Variants in INO80 observed in about 807,000 individuals in gnomAD.
The protein encoded by INO80 is INO80 complex ATPase subunit.
A neutral mutation model predicts 203.4 loss-of-function variants in INO80; 20 were observed. That is an observed-to-expected ratio of 0.10 (90% CI 0.07 to 0.14). The LOEUF (loss-of-function observed/expected upper bound fraction) is 0.14, where lower values mean the gene tolerates loss of function less well. Among genes scored for constraint, INO80 ranks in the 10% least tolerant of loss-of-function variants. The pLI is 1.00. For synonymous variants in INO80, 726 were observed against 685.2 expected (o/e 1.06, Z -0.93); for missense variants, 1,419 against 1,914.4 (o/e 0.74, Z 4.83).
intron 24 of INO80, 36 bp downstream of exon 24, chr15:41,044,868 A>C (rs192904469): frequency 6.4e-7 from 1 of 1,555,926 alleles, no homozygotes; most frequent in Admixed American, 2.1e-5. Flanking sequence ...GAAAGAAGAT[A>C]CTAAGTAGGT....
intron 9 of INO80, among the ~76,000 whole-genome samples, chr15:41,078,915 C>T (rs896586341): frequency 6.6e-6 from 1 of 152,060 alleles, no homozygotes; most frequent in Admixed American, 6.6e-5. Flanking sequence ...CCGAGGCAGG[C>T]GTATCATCTG....
At chr15:41,030,907 T>A (rs2140486510) in intron 24 of INO80, among the ~76,000 whole-genome samples, 1 of 152,176 alleles carries the variant, frequency 6.6e-6, no homozygotes, top group East Asian at 1.9e-4. Flanking sequence ...CCTGACCTCA[T>A]GATCCGTCCA....
Position 41,034,223 on chromosome 15 carries a change from A to G in INO80, c.2908-6487T>C. Among the ~76,000 whole-genome samples the G allele has an allele frequency of 1.3e-5, 2 of 152,180 alleles. 1 individual carries two copies. Among genetic ancestry groups the G allele is most frequent in the Non-Finnish European group, 2.9e-5 (2 of 68,042 alleles). On this transcript the variant is annotated intron_variant, in intron 24 of 35. Transcript: ENST00000648947. ...CTTTGGATTCTGTAACAAAAAATTCATATTTTATCTTCACCATAGGGTGGG... is the reference window on the plus strand; with the variant it reads ...CTTTGGATTCTGTAACAAAAAATTCGTATTTTATCTTCACCATAGGGTGGG...
intron 24 of INO80, among the ~76,000 whole-genome samples, chr15:41,028,576 T>C (rs1197980331): frequency 6.6e-6 from 1 of 152,272 alleles, no homozygotes; most frequent in Admixed American, 6.5e-5. Flanking sequence ...AATATATTTA[T>C]TGTTCACTTA....
intron 27 of INO80, among the ~76,000 whole-genome samples, chr15:41,007,120 A>G (rs2044053076): frequency 6.6e-6 from 1 of 151,744 alleles, no homozygotes; most frequent in African/African-American, 2.4e-5. Context: ...GACACCCAAA[A>G]CACAGATTAT....
At chr15:40,992,169 G>A (rs1360988925) in intron 29 of INO80, among the ~76,000 whole-genome samples, 4 of 152,190 alleles carry the variant, frequency 2.6e-5, no homozygotes, top group Admixed American at 1.3e-4. Flanking sequence ...GCGGAGGTTC[G>A]GCCTCTGCAG....
intron 14 of INO80, among the ~76,000 whole-genome samples, chr15:41,064,050 T>C (rs2045165030): frequency 1.3e-5 from 2 of 152,114 alleles, no homozygotes; most frequent in Admixed American, 6.5e-5. Flanking sequence ...TCCATAATCA[T>C]GGTATGTTTT....
intron 11 of INO80, among the ~76,000 whole-genome samples, chr15:41,072,796 T>A (rs910204581): frequency 7.9e-5 from 12 of 151,806 alleles, no homozygotes; most frequent in African/African-American, 2.7e-4. Flanking sequence ...TCTTTTTTTT[T>A]TTGAGATGCA....
chr15:41,112,954 C>T (rs532820656), intron 1 of INO80, among the ~76,000 whole-genome samples: 1 of 151,980 alleles, frequency 6.6e-6, no homozygotes, highest in South Asian at 2.1e-4. Flanking sequence ...CGGGCTCTGT[C>T]GCCCAGGCTG....
At chr15:41,088,708 T>G (rs1443330403) in intron 5 of INO80, among the ~76,000 whole-genome samples, 9 of 152,212 alleles carry the variant, frequency 5.9e-5, no homozygotes, top group Non-Finnish European at 1.3e-4. Flanking sequence ...TTAAATCTCT[T>G]TCCTGGATTA....
At chr15:41,054,581 A>G (rs1194210810) in intron 18 of INO80, among the ~76,000 whole-genome samples, 2 of 152,208 alleles carry the variant, frequency 1.3e-5, no homozygotes, top group Admixed American at 6.5e-5. Flanking sequence ...TTATCACAGG[A>G]AAAAAGCTTT....
intron 28 of INO80, among the ~76,000 whole-genome samples, chr15:41,000,565 C>T (rs1014386376): frequency 4.1e-4 from 62 of 151,470 alleles, no homozygotes; most frequent in Admixed American, 1.9e-3. Context: ...TGTGGTGGTA[C>T]GAGCCTGTAG....
intron 1 of INO80, among the ~76,000 whole-genome samples, chr15:41,108,566 T>TG (rs1320916007): frequency 8.2e-6 from 1 of 121,842 alleles, no homozygotes; most frequent in Non-Finnish European, 1.6e-5. Flanking sequence ...CATTCCAGCC[T>TG]GGGGGACACA....
chr15:41,073,568 T>A, intron 10 of INO80, 73 bp from the exon 11 acceptor site: 1 of 1,157,184 alleles, frequency 8.6e-7, no homozygotes, highest in Non-Finnish European at 1.3e-6. Flanking sequence ...AACACCAATG[T>A]ATGTGGATCC....
chr15:40,982,168 A>G (rs145317471), intron 35 of INO80, among the ~76,000 whole-genome samples: 3 of 152,284 alleles, frequency 2.0e-5, no homozygotes, highest in African/African-American at 4.8e-5. Flanking sequence ...TTAGTTTTTG[A>G]GAGAGTCTTG....
rs1255524592 is a variant in INO80, at chr15:41,047,460, C to T, written c.2683G>A (p.Asp895Asn). 2 of 1,613,124 alleles carry T rather than the reference C, an allele frequency of 1.2e-6. No homozygotes were observed. The highest frequency in any genetic ancestry group is 1.1e-5 in the South Asian group (1 of 90,970). Residue 895 changes from aspartate (D) to asparagine (N), a missense_variant, in exon 23 of 36, where the codon GAT (aspartate) becomes AAT (asparagine). Physicochemically the swap from Asp to Asn is conservative, Grantham distance 23 (BLOSUM62 1). Coordinates refer to ENST00000648947, the MANE Select transcript of INO80 (RefSeq NM_017553.3). ...ESCFSFLRFI[D>N]ISPAEMANLM... ...TTTGCCATTTCTGCTGGAGATATAT[C>T]AATAAAGCGAAGGAAAGAGAAACAG... is the stretch of plus-strand genomic sequence containing the variant.
At chr15:41,032,397 G>A (rs1208817926) in intron 24 of INO80, among the ~76,000 whole-genome samples, 2 of 152,112 alleles carry the variant, frequency 1.3e-5, no homozygotes, top group Non-Finnish European at 2.9e-5. Context: ...CAAACAAAAA[G>A]AGGGAAAATT....
At chr15:41,047,148 A>T (rs970900558) in intron 23 of INO80, among the ~76,000 whole-genome samples, 3 of 151,534 alleles carry the variant, frequency 2.0e-5, no homozygotes, top group African/African-American at 7.3e-5. Context: ...TGTATTTTTT[A>T]GAGATGGGGT....
intron 29 of INO80, among the ~76,000 whole-genome samples, chr15:40,991,627 C>T (rs542701181): frequency 1.3e-5 from 2 of 152,096 alleles, no homozygotes; most frequent in East Asian, 1.9e-4. Context: ...AAATAGTAGT[C>T]AATGCCTTCA....
Sources: allele counts gnomAD v4.1 joint callset (sites outside exome capture counted in the v4.1 genomes callset), GRCh38; gene constraint gnomAD v4.1.1; transcripts MANE v1.5; gene names NCBI Gene and HGNC (gene_info 2026-07-23, HGNC 2026-07-21).